Variants in FMO1 observed in about 807,000 individuals in gnomAD.
The protein encoded by FMO1 is flavin containing dimethylaniline monoxygenase 1.
Under a neutral mutation model 45.4 loss-of-function variants are expected in FMO1, and 36 were observed. The observed-to-expected ratio is 0.79, with a 90% CI of 0.61 to 1.05. The LOEUF (loss-of-function observed/expected upper bound fraction) is 1.05. Ranked by LOEUF, FMO1 falls within the 50% of genes least tolerant of loss-of-function variation. The pLI is 0.00. For missense variants in FMO1, 615 were observed against 640.3 expected (o/e 0.96, Z 0.43); for synonymous variants, 228 against 227.2 (o/e 1.00, Z -0.03).
At chr1:171,265,055 A>G (rs1486942346) in intron 2 of FMO1, among the ~76,000 whole-genome samples, 2 of 152,166 alleles carry the variant, frequency 1.3e-5, no homozygotes, top group Admixed American at 1.3e-4. Flanking sequence ...AAGAACAATC[A>G]AGTTTTTTTC....
chr1:171,252,510 C>T (rs1251043877), intron 1 of FMO1, among the ~76,000 whole-genome samples: 1 of 152,246 alleles, frequency 6.6e-6, no homozygotes, highest in Non-Finnish European at 1.5e-5. Flanking sequence ...CCCGCCATGC[C>T]TCTCCTCTTT....
At chr1:171,251,705 A>C (rs1256393312) in intron 1 of FMO1, 1 of 150,572 alleles carries the variant, frequency 6.6e-6, no homozygotes, top group Non-Finnish European at 1.5e-5. Context: ...GCTGACACAC[A>C]GATATTCTGA....
chr1:171,264,718 T>A (rs1660535893), intron 2 of FMO1, among the ~76,000 whole-genome samples: 1 of 151,816 alleles, frequency 6.6e-6, no homozygotes, highest in Non-Finnish European at 1.5e-5. Context: ...TGAAACCCCG[T>A]CTCTACTAAA....
intron 2 of FMO1, among the ~76,000 whole-genome samples, chr1:171,265,918 T>G (rs763883802): frequency 2.0e-5 from 3 of 152,186 alleles, no homozygotes; most frequent in Non-Finnish European, 2.9e-5. Context: ...AGGAAGAGAT[T>G]TTTAAACCAG....
chr1:171,255,280 T>C (rs537138741), intron 1 of FMO1, among the ~76,000 whole-genome samples: 6 of 152,354 alleles, frequency 3.9e-5, no homozygotes, highest in African/African-American at 9.6e-5. Flanking sequence ...GCCATAATTC[T>C]AATCTTTCTC....
chr1:171,280,769 T>A lies in FMO1; in HGVS notation c.628-17T>A. On this transcript the variant is annotated splice_polypyrimidine_tract_variant and intron_variant, in intron 5 of 8. Transcript: ENST00000617670. Reference sequence around the variant, plus strand: ...GTTCACAGTGTCAAATGAAGGGATGTCTTTGATTGCTTCCAGGTGTTCCTC... The same window carrying A: ...GTTCACAGTGTCAAATGAAGGGATGACTTTGATTGCTTCCAGGTGTTCCTC... 1.2e-6 allele frequency: 2 copies of A among 1,608,368 alleles called. No individual in the cohort carries two copies. The highest frequency in any genetic ancestry group is 1.7e-6 in the Non-Finnish European group (2 of 1,176,596).
Position 171,255,023 on chromosome 1 carries a change from A to C in FMO1, c.-6-3059A>C, listed in dbSNP as rs1229330415. 2.6e-5 allele frequency among the ~76,000 whole-genome samples: 4 copies of C among 152,274 alleles called. No homozygotes were observed. The East Asian group carries it at 7.7e-4, about 29-fold the overall frequency. On this transcript the variant is annotated intron_variant, in intron 1 of 8. Coordinates refer to ENST00000617670, the MANE Select transcript of FMO1 (RefSeq NM_001282693.2). The stretch of plus-strand genomic sequence containing the variant: ...TCTTCCTTTGCAATCCCAATACACA[A>C]ACTTGGGCTTAGCAATATAGAAACC...
rs371790279 is a variant in FMO1, at chr1:171,258,149, G to T, written c.62G>T (p.Cys21Phe). The T allele has an allele frequency of 6.2e-7, 1 of 1,614,190 alleles. No homozygotes were observed. The highest frequency in any genetic ancestry group is 2.2e-5 in the East Asian group (1 of 44,866). Residue 21 changes from cysteine (C) to phenylalanine (F), a missense_variant, in exon 2 of 9, where the codon TGT (cysteine) becomes TTT (phenylalanine). Cys to Phe is a radical substitution (Grantham distance 205). Coordinates refer to ENST00000617670, the MANE Select transcript of FMO1 (RefSeq NM_001282693.2). ...GVSGLASIKCCLEEGLEPTCF... is the reference protein window; with the variant it reads ...GVSGLASIKCFLEEGLEPTCF... ...AGCGGCCTGGCCTCCATCAAGTGCTGTCTGGAAGAAGGACTGGAGCCCACC... is the reference window on the plus strand; with the variant it reads ...AGCGGCCTGGCCTCCATCAAGTGCTTTCTGGAAGAAGGACTGGAGCCCACC...
intron 8 of FMO1, among the ~76,000 whole-genome samples, chr1:171,283,469 G>A (rs768656093): frequency 9.2e-5 from 14 of 151,924 alleles, no homozygotes; most frequent in Non-Finnish European, 1.8e-4. Flanking sequence ...TCAGCCCATG[G>A]TTTTCTAGTA....
chr1:171,259,327 A>G (rs1660289694), intron 2 of FMO1, among the ~76,000 whole-genome samples: 1 of 152,230 alleles, frequency 6.6e-6, no homozygotes, highest in Non-Finnish European at 1.5e-5. Context: ...CTTAAAGTGT[A>G]CCCACCAAAT....
rs1487318148 is a variant in FMO1 at position 171,258,069 on chromosome 1, C to G, written c.-6-13C>G. 6 of 1,613,886 alleles carry G rather than the reference C, an allele frequency of 3.7e-6. No individual in the cohort carries two copies. The Admixed American group carries it at 1.0e-4, about 27-fold the overall frequency. ...CTTGTGAATAAAAAGCCTGCTTCAT[C>G]TTCCTCATGCAGGAGAACATGGCCA... is the stretch of plus-strand genomic sequence containing the variant. On this transcript the variant is annotated splice_polypyrimidine_tract_variant and intron_variant, in intron 1 of 8. Coordinates refer to ENST00000617670, the MANE Select transcript of FMO1 (RefSeq NM_001282693.2).
In FMO1 at chr1:171,282,550, G is replaced by C. The variant is rs979474580; in HGVS notation, c.1183+217G>C. The C allele has an allele frequency of 1.1e-5, 5 of 441,668 alleles. No homozygotes were observed. The Admixed American group carries it at 1.5e-4, about 14-fold the overall frequency. The allele number at this position is 441,668 out of a possible 1,614,324, so 27.4% of individuals were successfully genotyped here. A position where few individuals can be genotyped will look rare whatever the true frequency, so the allele number is the denominator to read the frequency against. On this transcript the variant is annotated intron_variant, in intron 7 of 8. Coordinates refer to ENST00000617670, the MANE Select transcript of FMO1 (RefSeq NM_001282693.2). ...GGGTCAAAAATATATATATTTTTTT[G>C]ATATACCAAAAATATAACAGTTGAC...
At chr1:171,248,799 T>A (rs554073609) in intron 1 of FMO1, among the ~76,000 whole-genome samples, 176 bp downstream of exon 1, 1 of 151,698 alleles carries the variant, frequency 6.6e-6, no homozygotes, top group Non-Finnish European at 1.5e-5. Flanking sequence ...GAGTAGTAAA[T>A]GTTTGGATAC....
intron 8 of FMO1, among the ~76,000 whole-genome samples, chr1:171,284,441 G>A (rs1424689523): frequency 6.6e-6 from 1 of 151,992 alleles, no homozygotes; most frequent in Non-Finnish European, 1.5e-5. Flanking sequence ...ACGCATGTCA[G>A]CAAACAATTT....
At chr1:171,271,109 C>T (rs1660842416) in intron 3 of FMO1, 2 of 869,464 alleles carry the variant, frequency 2.3e-6, no homozygotes, top group Admixed American at 1.9e-5. Flanking sequence ...GCTCAATATG[C>T]AGCAATATCC....
intron 6 of FMO1, among the ~76,000 whole-genome samples, chr1:171,281,613 A>G (rs988255619): frequency 2.6e-5 from 4 of 152,204 alleles, no homozygotes; most frequent in African/African-American, 7.2e-5. Flanking sequence ...GGAAGAGACT[A>G]GAGCTTTCAG....
At chr1:171,255,745 GA>G (rs1660119545) in intron 1 of FMO1, among the ~76,000 whole-genome samples, 1 of 152,062 alleles carries the variant, frequency 6.6e-6, no homozygotes, top group South Asian at 2.1e-4. Flanking sequence ...CCAGCTCATG[GA>G]AATGGCTCCT....
intron 2 of FMO1, among the ~76,000 whole-genome samples, chr1:171,260,106 A>G (rs139831545): frequency 6.6e-6 from 1 of 152,330 alleles, no homozygotes; most frequent in East Asian, 1.9e-4. Flanking sequence ...AAGAAAAAGT[A>G]CTGGGCATAT....
Position 171,285,593 on chromosome 1 carries a change from C to A in FMO1, c.*49C>A. ...ATGCACAGAGTAGATTTACAATGCT[C>A]CAATTCCTCTCTTACAGCAATATTG... On this transcript the variant is annotated 3_prime_UTR_variant, in exon 9 of 9. Coordinates refer to ENST00000617670, the MANE Select transcript of FMO1 (RefSeq NM_001282693.2). 8.9e-7 allele frequency: 1 copy of A among 1,118,846 alleles called. No homozygotes were observed. Among genetic ancestry groups the A allele is most frequent in the South Asian group, 1.7e-5 (1 of 59,168 alleles). The allele number at this position is 1,118,846 out of a possible 1,614,324, so 69.3% of individuals were successfully genotyped here. A position where few individuals can be genotyped will look rare whatever the true frequency, so the allele number is the denominator to read the frequency against.
Sources: gnomAD v4.1 joint callset for allele counts (sites outside exome capture counted in the v4.1 genomes callset) on GRCh38, gnomAD v4.1.1 for gene constraint, MANE v1.5 for transcripts, NCBI Gene and HGNC (gene_info 2026-07-23, HGNC 2026-07-21) for gene names.